Variants in AADACL2 observed in about 807,000 individuals in gnomAD.
AADACL2 encodes the protein arylacetamide deacetylase like 2.
AADACL2 carries 23 observed loss-of-function variants against 22.3 expected under a neutral mutation model. That is an observed-to-expected ratio of 1.03 (90% CI 0.74 to 1.46). The LOEUF is 1.46. Among genes scored for constraint, AADACL2 ranks in the 40% most tolerant of loss-of-function variants. AADACL2 has a pLI of 0.00. For missense variants in AADACL2, 472 were observed against 482.9 expected (o/e 0.98, Z 0.21); for synonymous variants, 177 against 166.2 (o/e 1.07, Z -0.50).
intron 1 of AADACL2, among the ~76,000 whole-genome samples, chr3:151,735,136 T>C (rs62274235): frequency 0.018 from 2,684 of 152,338 alleles, 28 homozygotes; most frequent in Non-Finnish European, 0.027. Flanking sequence ...TCTAGAGGCT[T>C]ACCTTCTCCA....
In AADACL2 at chr3:151,744,095, C is replaced by A; in HGVS notation, c.364C>A (p.Gln122Lys). The A allele has an allele frequency of 2.5e-6, 4 of 1,613,458 alleles. No homozygotes were observed. The highest frequency in any genetic ancestry group is 2.5e-6 in the Non-Finnish European group (3 of 1,179,596). ...GGGFCFGSSK[Q>K]RAFDFLNRWT... ...TGATGTTTATTTCTTCATTTCAGAA[C>A]AGAGGGCTTTTGACTTCCTGAATAG... Residue 122 changes from glutamine to lysine, a missense_variant and splice_region_variant, in exon 3 of 5, where the codon CAG becomes AAG. By Grantham distance (53) the Gln-to-Lys change is moderately conservative. Coordinates refer to ENST00000356517, the MANE Select transcript of AADACL2 (RefSeq NM_207365.4).
At chr3:151,756,714 G>A (rs775821291) in intron 4 of AADACL2, among the ~76,000 whole-genome samples, 89 of 140,916 alleles carry the variant, frequency 6.3e-4, no homozygotes, top group Non-Finnish European at 1.0e-3. Context: ...TATCTCTCTC[G>A]CCTTGTACAT....
chr3:151,745,023 C>G (rs1713392983), intron 3 of AADACL2, among the ~76,000 whole-genome samples: 1 of 152,020 alleles, frequency 6.6e-6, no homozygotes, highest in Admixed American at 6.6e-5. Context: ...CTAGTAATAA[C>G]TACTGGGTAT....
rs1376139745 is a variant in AADACL2, at chr3:151,734,020, T to C, written c.-16T>C. 1.9e-6 allele frequency: 3 copies of C among 1,594,690 alleles called. No individual in the cohort carries two copies. The highest frequency in any genetic ancestry group is 2.6e-6 in the Non-Finnish European group (3 of 1,169,706). ...TTTAATCTCAGTACTGTGAAGAAGC[T>C]GGAAAAAGGGATATTATGGGGCTAA... On this transcript the variant is annotated 5_prime_UTR_variant, in exon 1 of 5. Transcript: ENST00000356517.
In AADACL2 at chr3:151,744,174, T is replaced by A. The variant is rs112715692; in HGVS notation, c.431+12T>A. On this transcript the variant is annotated intron_variant, in intron 3 of 4. Transcript: ENST00000356517. ...GTTGTAGGCGTGGAGTAAGAATGAT[T>A]TTTTTCTGGCTACTATGATTTTTGC... is the stretch of plus-strand genomic sequence containing the variant. 720 of 1,613,200 alleles carry A rather than the reference T, an allele frequency of 4.5e-4. 3 individuals are homozygous for A. In the African/African-American group the frequency reaches 8.6e-3, roughly 19 times the overall value.
In AADACL2 at chr3:151,745,738, T is replaced by C. The variant is rs182227200; in HGVS notation, c.603+58T>C. 7.3e-5 allele frequency: 110 copies of C among 1,509,826 alleles called. No individual in the cohort carries two copies. In the African/African-American group the frequency reaches 1.4e-3, roughly 20 times the overall value. The allele number at this position is 1,509,826 out of a possible 1,614,324, so 93.5% of individuals were successfully genotyped here. A position where few individuals can be genotyped will look rare whatever the true frequency, so the allele number is the denominator to read the frequency against. On this transcript the variant is annotated intron_variant, in intron 4 of 4. Coordinates refer to ENST00000356517, the MANE Select transcript of AADACL2 (RefSeq NM_207365.4). Reference sequence around the variant, plus strand: ...GAAATTGAGGCTCATTTTTTTTCTATAGATAATTCAGTTCTTCCCCCACCA... The same window carrying C: ...GAAATTGAGGCTCATTTTTTTTCTACAGATAATTCAGTTCTTCCCCCACCA...
chr3:151,759,502 T>A lies in AADACL2; in HGVS notation c.*1908T>A, dbSNP rs1036510518. 1 of 152,228 alleles carries A rather than the reference T, an allele frequency of 6.6e-6. No homozygotes were observed. Among genetic ancestry groups the A allele is most frequent in the Non-Finnish European group, 1.5e-5 (1 of 68,020 alleles). The allele number at this position is 152,228 out of a possible 1,614,324, so 9.4% of individuals were successfully genotyped here. On this transcript the variant is annotated 3_prime_UTR_variant, in exon 5 of 5. Coordinates refer to ENST00000356517, the MANE Select transcript of AADACL2 (RefSeq NM_207365.4). ...ACACTAGTGTGTCATGTCACTAGTA[T>A]GTACTTTCAAGCCTTTAAACAGAAA...
intron 1 of AADACL2, among the ~76,000 whole-genome samples, chr3:151,734,511 T>C (rs1309352490): frequency 2.0e-5 from 3 of 152,214 alleles, no homozygotes; most frequent in African/African-American, 7.2e-5. Flanking sequence ...AGGGACAACC[T>C]AGTCCTGTAA....
chr3:151,739,439 G>A (rs1713202468), intron 1 of AADACL2, among the ~76,000 whole-genome samples: 1 of 152,212 alleles, frequency 6.6e-6, no homozygotes, highest in Admixed American at 6.5e-5. Context: ...GTTGACCCTT[G>A]CTGGGAGATG....
rs777424338 is a variant in AADACL2, at chr3:151,759,104, GT to G, written c.*1517del. 2.6e-5 allele frequency: 4 copies of G among 151,908 alleles called. No homozygotes were observed. The highest frequency in any genetic ancestry group is 5.9e-5 in the Non-Finnish European group (4 of 67,930). 9.4% of individuals were successfully genotyped at this position (151,908 alleles called of 1,614,324 possible). Reference sequence around the variant, plus strand: ...ATGAAAATAAGTATCATGGGAATCTGTTTTTTTCCTCTGAGAAATAAAATCT... The same window carrying G: ...ATGAAAATAAGTATCATGGGAATCTGTTTTTTCCTCTGAGAAATAAAATCT... On this transcript the variant is annotated 3_prime_UTR_variant, in exon 5 of 5. Coordinates refer to ENST00000356517, the MANE Select transcript of AADACL2 (RefSeq NM_207365.4).
rs138928767 is a variant in AADACL2, at chr3:151,736,513, C to T, written c.138+2340C>T. On this transcript the variant is annotated intron_variant, in intron 1 of 4. Transcript: ENST00000356517. Reference sequence around the variant, plus strand: ...CGACAGGCCCTGGTGCATGATGTTCCCCTCCCTGTGTCCATGTGTTCTCAT... The same window carrying T: ...CGACAGGCCCTGGTGCATGATGTTCTCCTCCCTGTGTCCATGTGTTCTCAT... Among the ~76,000 whole-genome samples, 878 of 152,086 alleles carry T rather than the reference C, an allele frequency of 5.8e-3. 11 individuals are homozygous for T. Among genetic ancestry groups the T allele is most frequent in the African/African-American group, 0.02 (828 of 41,474 alleles).
At position 151,758,464 on chromosome 3, in the gene AADACL2, G is replaced by T. The variant is rs181385525; in HGVS notation, c.*870G>T. 60 of 152,124 alleles carry T rather than the reference G, an allele frequency of 3.9e-4. No individual in the cohort carries two copies. Among genetic ancestry groups the T allele is most frequent in the African/African-American group, 1.3e-3 (55 of 41,512 alleles). 9.4% of individuals were successfully genotyped at this position (152,124 alleles called of 1,614,324 possible). A position where few individuals can be genotyped will look rare whatever the true frequency, so the allele number is the denominator to read the frequency against. ...ATTTCCCCACCCTTTTCTATATAAAGTAACCTTCAGAGATTAGGATGTAGT... is the reference window on the plus strand; with the variant it reads ...ATTTCCCCACCCTTTTCTATATAAATTAACCTTCAGAGATTAGGATGTAGT... On this transcript the variant is annotated 3_prime_UTR_variant, in exon 5 of 5. Transcript: ENST00000356517.
chr3:151,734,466 GTTTA>G (rs1713027012), intron 1 of AADACL2, among the ~76,000 whole-genome samples: 2 of 152,102 alleles, frequency 1.3e-5, no homozygotes, highest in African/African-American at 2.4e-5. Context: ...AGGCTTTGAG[GTTTA>G]TTTGAGAACT....
At chr3:151,743,974 G>A (rs964495144) in intron 2 of AADACL2, 119 bp from the exon 3 acceptor site, 12 of 990,368 alleles carry the variant, frequency 1.2e-5, no homozygotes, top group Non-Finnish European at 1.7e-5. Context: ...GAAATGGGGG[G>A]TGGAAATAAA....
intron 1 of AADACL2, among the ~76,000 whole-genome samples, chr3:151,738,665 C>T (rs1205604333): frequency 2.6e-5 from 4 of 152,142 alleles, no homozygotes; most frequent in African/African-American, 9.7e-5. Context: ...CACATAGTTC[C>T]ATATTTCTTG....
intron 1 of AADACL2, among the ~76,000 whole-genome samples, 156 bp downstream of exon 1, chr3:151,734,329 A>C (rs1382819325): frequency 1.3e-5 from 2 of 152,184 alleles, no homozygotes; most frequent in Admixed American, 6.6e-5. Flanking sequence ...TAAGTAAATA[A>C]AACTCCCTAT....
chr3:151,748,196 T>C (rs1478992321), intron 4 of AADACL2, among the ~76,000 whole-genome samples: 1 of 152,188 alleles, frequency 6.6e-6, no homozygotes, highest in Non-Finnish European at 1.5e-5. Flanking sequence ...CTTAGACTAA[T>C]ATAAAGTCAT....
rs371726686 is a variant in AADACL2, at chr3:151,757,192, A to G, written c.804A>G (p.Gln268=). 5.0e-6 allele frequency: 8 copies of G among 1,613,516 alleles called. No individual in the cohort carries two copies. The highest frequency in any genetic ancestry group is 1.3e-5 in the African/African-American group (1 of 74,894). ...EALPWAMRRN[Q]HMPLESRHLF... is the part of the protein sequence containing the mutation. ...TTCCCTGGGCAATGAGAAGAAACCA[A>G]CACATGCCTCTGGAGTCAAGACATC... The change falls in exon 5 of 5, where the codon CAA becomes CAG. Residue 268 remains glutamine, a synonymous_variant. Transcript: ENST00000356517.
chr3:151,746,491 A>G (rs1713452627), intron 4 of AADACL2, among the ~76,000 whole-genome samples: 1 of 151,286 alleles, frequency 6.6e-6, no homozygotes, highest in African/African-American at 2.4e-5. Context: ...TGGGGCCTCT[A>G]GTAAAATATT....
Sources: gnomAD v4.1 joint callset for allele counts (sites outside exome capture counted in the v4.1 genomes callset) on GRCh38, gnomAD v4.1.1 for gene constraint, MANE v1.5 for transcripts, NCBI Gene and HGNC (gene_info 2026-07-23, HGNC 2026-07-21) for gene names.